Variants in SNTB1 observed in about 807,000 individuals in gnomAD.
SNTB1 encodes the protein beta-1-syntrophin.
SNTB1 carries 36 observed loss-of-function variants against 48.9 expected under a neutral mutation model. The ratio of observed to expected loss-of-function variants is 0.74; its 90% confidence interval spans 0.56 to 0.97. The LOEUF is 0.97. Among genes scored for constraint, SNTB1 ranks in the 50% least tolerant of loss-of-function variants. SNTB1 has a pLI of 0.00. For synonymous variants in SNTB1, 299 were observed against 294.6 expected (o/e 1.01, Z -0.15); for missense variants, 786 against 703.4 (o/e 1.12, Z -1.33).
intron 3 of SNTB1, among the ~76,000 whole-genome samples, chr8:120,588,864 C>T (rs1816192883): frequency 6.6e-6 from 1 of 152,176 alleles, no homozygotes; most frequent in Non-Finnish European, 1.5e-5. Flanking sequence ...TTCAAAAGTG[C>T]TGTGGGTGTC....
chr8:120,615,745 T>C (rs1395535296), intron 3 of SNTB1, among the ~76,000 whole-genome samples: 1 of 152,228 alleles, frequency 6.6e-6, no homozygotes, highest in Non-Finnish European at 1.5e-5. Context: ...CATAAGCCAG[T>C]TTGAATCGAA....
At position 120,588,664 on chromosome 8, in the gene SNTB1, T is replaced by TTC. The variant is rs1816189200; in HGVS notation, c.997-13441_997-13440dup. Among the ~76,000 whole-genome samples, 7 of 152,336 alleles carry TTC rather than the reference T, an allele frequency of 4.6e-5. No homozygotes were observed. In the South Asian group the frequency reaches 1.2e-3, roughly 27 times the overall value. On this transcript the variant is annotated intron_variant, in intron 3 of 6. Coordinates refer to ENST00000517992, the MANE Select transcript of SNTB1 (RefSeq NM_021021.4). ...TGTGATCTTGAAGAAGTTACTTATC[T>TTC]TCTCCATGCTGCTGTTTCCACATCT...
chr8:120,669,443 G>GT (rs1182227923), intron 2 of SNTB1, among the ~76,000 whole-genome samples: 4,412 of 82,278 alleles, frequency 0.054, 1,096 homozygotes, highest in Non-Finnish European at 0.064. Context: ...GAAAATGCTT[G>GT]TTTTTTTTTT....
At chr8:120,747,550 G>A (rs577704472) in intron 1 of SNTB1, among the ~76,000 whole-genome samples, 43 of 152,134 alleles carry the variant, frequency 2.8e-4, no homozygotes, top group Admixed American at 5.9e-4. Context: ...CTCAGCCTCC[G>A]AAAGTGCGAG....
chr8:120,653,856 G>C (rs1201548280), intron 2 of SNTB1, among the ~76,000 whole-genome samples: 1 of 151,346 alleles, frequency 6.6e-6, no homozygotes, highest in African/African-American at 2.4e-5. Flanking sequence ...TGGCTAACAC[G>C]GTGAAACCCC....
At chr8:120,682,477 T>G (rs936315587) in intron 2 of SNTB1, among the ~76,000 whole-genome samples, 1 of 152,224 alleles carries the variant, frequency 6.6e-6, no homozygotes, top group Non-Finnish European at 1.5e-5. Flanking sequence ...AATTTCTGAC[T>G]AATTCAACCC....
Position 120,811,583 on chromosome 8 carries a change from C to T in SNTB1, c.261G>A (p.Ser87=). The T allele has an allele frequency of 4.5e-6, 7 of 1,565,696 alleles. No homozygotes were observed. The highest frequency in any genetic ancestry group is 6.1e-6 in the Non-Finnish European group (7 of 1,156,152). The change falls in exon 1 of 7, where the codon TCG becomes TCA. Residue 87 remains serine, a synonymous_variant. Coordinates refer to ENST00000517992, the MANE Select transcript of SNTB1 (RefSeq NM_021021.4). ...PGAGGAQPPD[S]PAGVRTAFTD... Reference sequence around the variant, plus strand: ...TGAAAGCGGTGCGGACCCCGGCGGGCGAGTCCGGGGGCTGCGCGCCGCCCG... The same window carrying T: ...TGAAAGCGGTGCGGACCCCGGCGGGTGAGTCCGGGGGCTGCGCGCCGCCCG...
At chr8:120,702,397 G>T (rs893232246) in intron 1 of SNTB1, among the ~76,000 whole-genome samples, 1 of 152,154 alleles carries the variant, frequency 6.6e-6, no homozygotes, top group South Asian at 2.1e-4. Flanking sequence ...CCACAGAGAA[G>T]TACTGTTTAA....
intron 2 of SNTB1, among the ~76,000 whole-genome samples, chr8:120,648,861 C>T (rs1254057479): frequency 6.6e-6 from 1 of 152,102 alleles, no homozygotes; most frequent in Non-Finnish European, 1.5e-5. Context: ...AGGCTTTGTT[C>T]ATTTCTTTTT....
chr8:120,554,026 T>A (rs1393907530), intron 4 of SNTB1, among the ~76,000 whole-genome samples: 1 of 152,082 alleles, frequency 6.6e-6, no homozygotes, highest in Non-Finnish European at 1.5e-5. Context: ...ATAAGAAACA[T>A]ATACATCAGG....
chr8:120,732,081 G>A (rs1190560681), intron 1 of SNTB1, among the ~76,000 whole-genome samples: 2 of 152,112 alleles, frequency 1.3e-5, no homozygotes, highest in African/African-American at 4.8e-5. Flanking sequence ...AAAGTTGGAG[G>A]CACAATACCT....
intron 3 of SNTB1, among the ~76,000 whole-genome samples, chr8:120,596,166 T>A (rs759654212): frequency 6.6e-5 from 10 of 152,162 alleles, no homozygotes; most frequent in Admixed American, 2.6e-4. Context: ...TCTTCTTAAA[T>A]TTTTCTATGC....
intron 1 of SNTB1, among the ~76,000 whole-genome samples, chr8:120,713,779 G>A (rs1477851101): frequency 6.6e-6 from 1 of 152,102 alleles, no homozygotes; most frequent in African/African-American, 2.4e-5. Flanking sequence ...GTGTATGTCT[G>A]GCTGCTTCTT....
chr8:120,678,251 G>A (rs572251910), intron 2 of SNTB1, among the ~76,000 whole-genome samples: 3 of 152,008 alleles, frequency 2.0e-5, no homozygotes, highest in East Asian at 3.9e-4. Flanking sequence ...CTTATATCCC[G>A]TCTGTCTCTC....
chr8:120,623,533 G>A (rs1348797679), intron 3 of SNTB1, among the ~76,000 whole-genome samples: 1 of 152,182 alleles, frequency 6.6e-6, no homozygotes, highest in Non-Finnish European at 1.5e-5. Flanking sequence ...CTTCTGCTGT[G>A]TCACTCTGCT....
chr8:120,651,585 A>C (rs1193383926), intron 2 of SNTB1, among the ~76,000 whole-genome samples: 6 of 152,352 alleles, frequency 3.9e-5, no homozygotes, highest in Admixed American at 3.9e-4. Context: ...TTTGCTGATA[A>C]CATACCCCAA....
At chr8:120,592,570 T>C (rs1201971201) in intron 3 of SNTB1, among the ~76,000 whole-genome samples, 2 of 152,134 alleles carry the variant, frequency 1.3e-5, no homozygotes, top group African/African-American at 4.8e-5. Context: ...ATGCTATAAA[T>C]ATTTGTTAAG....
rs1047906904 is a variant in SNTB1 at position 120,749,524 on chromosome 8, T to C, written c.572-55616A>G. Among the ~76,000 whole-genome samples, 6 of 152,156 alleles carry C rather than the reference T, an allele frequency of 3.9e-5. No individual in the cohort carries two copies. In the East Asian group the frequency reaches 9.6e-4, roughly 24 times the overall value. On this transcript the variant is annotated intron_variant, in intron 1 of 6. Coordinates refer to ENST00000517992, the MANE Select transcript of SNTB1 (RefSeq NM_021021.4). ...AGCCTCTCTATGTATCTACGTGATG[T>C]ATCTTATTCTATTTTTTTCTGGTAG...
chr8:120,769,020 T>C (rs1172845331), intron 1 of SNTB1: 1 of 152,306 alleles, frequency 6.6e-6, no homozygotes. Context: ...GCCTCTCTCT[T>C]GGCCTGTGGA....
Sources: allele counts gnomAD v4.1 joint callset (sites outside exome capture counted in the v4.1 genomes callset), GRCh38; gene constraint gnomAD v4.1.1; transcripts MANE v1.5; gene names NCBI Gene and HGNC (gene_info 2026-07-23, HGNC 2026-07-21).